Variants in PYGB observed in about 807,000 individuals in gnomAD.
PYGB encodes the protein glycogen phosphorylase, brain form.
A neutral mutation model predicts 94.3 loss-of-function variants in PYGB; 82 were observed. The ratio of observed to expected loss-of-function variants is 0.87; its 90% CI spans 0.73 to 1.04. The LOEUF (loss-of-function observed/expected upper bound fraction) is 1.04, where lower values mean the gene tolerates loss of function less well. Ranked by LOEUF, PYGB falls within the 50% of genes least tolerant of loss-of-function variation. The probability of loss-of-function intolerance (pLI) is 0.00; values close to 1 mark genes in which losing one functional copy is unlikely to be tolerated. For synonymous variants in PYGB, 488 were observed against 479.1 expected (o/e 1.02, Z -0.24); for missense variants, 1,132 against 1,158.2 (o/e 0.98, Z 0.33).
intron 3 of PYGB, 84 bp downstream of exon 3, chr20:25,269,291 T>C: frequency 8.5e-7 from 1 of 1,176,976 alleles, no homozygotes; most frequent in Non-Finnish European, 1.2e-6. Context: ...TCAGGTAAAT[T>C]GGCCTCAGGG....
intron 11 of PYGB, among the ~76,000 whole-genome samples, chr20:25,281,610 G>A (rs868060494): frequency 2.0e-5 from 3 of 152,224 alleles, no homozygotes; most frequent in African/African-American, 2.4e-5. Context: ...GGCTGTGCCC[G>A]GGGCTGGGCT....
chr20:25,252,362 G>A (rs754825651), intron 1 of PYGB, among the ~76,000 whole-genome samples: 1 of 152,090 alleles, frequency 6.6e-6, no homozygotes, highest in Non-Finnish European at 1.5e-5. Context: ...ATGTCCCTCT[G>A]GGGGGGTCGG....
In PYGB at chr20:25,279,150, G is replaced by A. The variant is rs199886979; in HGVS notation, c.1092+1G>A. The A allele has an allele frequency of 7.4e-6, 12 of 1,613,652 alleles. No individual in the cohort carries two copies. The highest frequency in any genetic ancestry group is 9.3e-6 in the Non-Finnish European group (11 of 1,179,754). ...CGTGGAGAAGGTGGACTGGGACAAG[G>A]TGAGCATGGAGGAAAAGGGCGGCAC... is the stretch of plus-strand genomic sequence containing the variant. On this transcript the variant is annotated splice_donor_variant, in intron 9 of 19. Coordinates refer to ENST00000216962, the MANE Select transcript of PYGB (RefSeq NM_002862.4). LOFTEE classifies it high-confidence loss of function.
chr20:25,264,595 A>G (rs1208270330), intron 2 of PYGB, among the ~76,000 whole-genome samples: 1 of 152,204 alleles, frequency 6.6e-6, no homozygotes, highest in Non-Finnish European at 1.5e-5. Context: ...TACAAAATCA[A>G]TGTGCAAAAA....
rs1403463758 is a variant in PYGB, at chr20:25,277,261, A to G, written c.790A>G (p.Ile264Val). Residue 264 changes from isoleucine (I) to valine (V), a missense_variant, in exon 7 of 20, where the codon ATC becomes GTC. Physicochemically the swap from Ile to Val is conservative, Grantham distance 29. Coordinates refer to ENST00000216962, the MANE Select transcript of PYGB (RefSeq NM_002862.4). ...KLQDFNVGDY[I>V]EAVLDRNLAE... is the part of the protein sequence containing the mutation. ...CTTCTTAGTCAACGTGGGAGACTAC[A>G]TCGAGGCGGTCCTGGACCGGAACTT... 1.9e-6 allele frequency: 3 copies of G among 1,574,728 alleles called. No homozygotes were observed. Among genetic ancestry groups the G allele is most frequent in the Admixed American group, 3.3e-5 (2 of 59,954 alleles).
Position 25,276,717 on chromosome 20 carries a change from G to A in PYGB, c.732G>A (p.Leu244=), listed in dbSNP as rs1311515820. 1.2e-6 allele frequency: 2 copies of A among 1,613,926 alleles called. No homozygotes were observed. The highest frequency in any genetic ancestry group is 1.7e-5 in the Admixed American group (1 of 60,002). The part of the protein sequence containing the change: ...YKNNTVNTMR[L]WSAKAPNDFK... Reference sequence around the variant, plus strand: ...ACAACACCGTCAACACCATGCGGCTGTGGTCCGCCAAGGCTCCCAACGACT... The same window carrying A: ...ACAACACCGTCAACACCATGCGGCTATGGTCCGCCAAGGCTCCCAACGACT... Residue 244 remains leucine, a synonymous_variant, in exon 6 of 20, where the codon CTG becomes CTA. Coordinates refer to ENST00000216962, the MANE Select transcript of PYGB (RefSeq NM_002862.4).
chr20:25,292,358 G>T (rs1158569113), intron 16 of PYGB, 48 bp from the exon 17 acceptor site: 8 of 1,597,886 alleles, frequency 5.0e-6, no homozygotes, highest in Middle Eastern at 1.7e-4. Flanking sequence ...TGCGGCTGAG[G>T]ACATTGGGGT....
Position 25,248,170 on chromosome 20 carries a change from G to C in PYGB, c.-9G>C, listed in dbSNP as rs2092875988. On this transcript the variant is annotated 5_prime_UTR_variant, in exon 1 of 20. Transcript: ENST00000216962. ...CCTCCATCTCTTTTCCTCCGCCTCC[G>C]CCGGCGCGATGGCGAAGCCGCTGAC... The C allele has an allele frequency of 6.3e-7, 1 of 1,585,922 alleles. No homozygotes were observed. The highest frequency in any genetic ancestry group is 1.4e-5 in the African/African-American group (1 of 72,652).
chr20:25,273,856 AT>A (rs1275196747), intron 4 of PYGB, among the ~76,000 whole-genome samples: 2 of 151,456 alleles, frequency 1.3e-5, no homozygotes, highest in East Asian at 1.9e-4. Context: ...TAATTTAATA[AT>A]TTTTTTTTAG....
intron 2 of PYGB, among the ~76,000 whole-genome samples, chr20:25,262,317 A>G (rs972962153): frequency 6.6e-6 from 1 of 152,246 alleles, no homozygotes; most frequent in Non-Finnish European, 1.5e-5. Context: ...AGTGGGGGCC[A>G]ATGTTCAGCA....
intron 1 of PYGB, among the ~76,000 whole-genome samples, chr20:25,252,601 C>T (rs1319138644): frequency 6.6e-6 from 1 of 152,230 alleles, no homozygotes; most frequent in African/African-American, 2.4e-5. Context: ...AAACACTTCA[C>T]TTGCGTTTAC....
chr20:25,275,163 A>C (rs1437506579), intron 5 of PYGB, among the ~76,000 whole-genome samples: 1 of 152,242 alleles, frequency 6.6e-6, no homozygotes, highest in Non-Finnish European at 1.5e-5. Flanking sequence ...CTGGCGCCAT[A>C]CGTGGCCCAT....
In PYGB at chr20:25,294,874, AG is replaced by A. The variant is rs57215790; in HGVS notation, c.2312+585del. 1.9e-3 allele frequency: 2,554 copies of A among 1,376,194 alleles called. 40 individuals are homozygous for A. The African/African-American group carries it at 0.03, about 16-fold the overall frequency. 85.2% of individuals were successfully genotyped at this position (1,376,194 alleles called of 1,614,324 possible). A position where few individuals can be genotyped will look rare whatever the true frequency, so the allele number is the denominator to read the frequency against. On this transcript the variant is annotated intron_variant, in intron 18 of 19. Coordinates refer to ENST00000216962, the MANE Select transcript of PYGB (RefSeq NM_002862.4). ...CCGTTGGCAAAAGTTGAATCCGGCG[AG>A]GGCTGGGAATTCACCTGCCCTCCAC...
In PYGB at chr20:25,280,948, G is replaced by GC; in HGVS notation, c.1240dup (p.His414ProfsTer57). ...CACCTGCCTCTGTGTTTTGGCACCA[G>GC]CACGTGGCCGCGCTGTTTCCCGGCG... is the stretch of plus-strand genomic sequence containing the variant. On this transcript the variant is annotated frameshift_variant and splice_region_variant. Coordinates refer to ENST00000216962, the MANE Select transcript of PYGB (RefSeq NM_002862.4). LOFTEE classifies it high-confidence loss of function. 4.3e-6 allele frequency: 7 copies of GC among 1,613,626 alleles called. 1 individual carries two copies. The highest frequency in any genetic ancestry group is 5.9e-6 in the Non-Finnish European group (7 of 1,179,750).
At chr20:25,290,121 ATGTGTCCCTCCAG>A (rs949076050) in intron 15 of PYGB, among the ~76,000 whole-genome samples, 8 of 152,126 alleles carry the variant, frequency 5.3e-5, no homozygotes, top group Admixed American at 2.6e-4. Context: ...CTCTTTCCGA[ATGTGTCCCTCCAG>A]TGTGTCCCAG....
intron 13 of PYGB, among the ~76,000 whole-genome samples, chr20:25,283,816 C>T (rs1246547447): frequency 6.6e-6 from 1 of 152,310 alleles, no homozygotes; most frequent in East Asian, 1.9e-4. Flanking sequence ...CGCTGCTCCG[C>T]CGCCTGCACG....
chr20:25,275,037 C>A (rs1277753218), intron 5 of PYGB, among the ~76,000 whole-genome samples: 1 of 152,226 alleles, frequency 6.6e-6, no homozygotes, highest in African/African-American at 2.4e-5. Context: ...ACGAGAACCC[C>A]GCTGCTTAAG....
chr20:25,254,562 A>G (rs1194459241), intron 1 of PYGB, among the ~76,000 whole-genome samples: 1 of 152,236 alleles, frequency 6.6e-6, no homozygotes, highest in East Asian at 1.9e-4. Context: ...AGTGTCTTCA[A>G]CAGTACCTTG....
intron 1 of PYGB, among the ~76,000 whole-genome samples, chr20:25,249,039 T>G (rs1421741444): frequency 1.3e-5 from 2 of 152,230 alleles, no homozygotes; most frequent in African/African-American, 4.8e-5. Context: ...AGAAATTTGC[T>G]TGGGTTGAAG....
Sources: allele counts gnomAD v4.1 joint callset (sites outside exome capture counted in the v4.1 genomes callset), GRCh38; gene constraint gnomAD v4.1.1; transcripts MANE v1.5; gene names NCBI Gene and HGNC (gene_info 2026-07-23, HGNC 2026-07-21).